Variants in ARHGAP21 observed in about 807,000 individuals in gnomAD.
The protein encoded by ARHGAP21 is rho GTPase-activating protein 21.
In ARHGAP21, 38 loss-of-function variants were observed where a neutral mutation model predicts 164.6. That is an observed-to-expected ratio of 0.23 (90% CI 0.18 to 0.30). The LOEUF is 0.30. Ranked by LOEUF, ARHGAP21 falls within the 10% of genes least tolerant of loss-of-function variation. The pLI is 1.00. For synonymous variants in ARHGAP21, 766 were observed against 857.9 expected (o/e 0.89, Z 1.87); for missense variants, 1,822 against 2,370.7 (o/e 0.77, Z 4.81).
chr10:24,628,973 TATATATA>T (rs1382858282), intron 7 of ARHGAP21: 14 of 20,208 alleles, frequency 6.9e-4, no homozygotes, highest in African/African-American at 1.1e-3. Flanking sequence ...TATATATATA[TATATATA>T]TATTTTTTTT....
chr10:24,630,948 C>T (rs1479694111), intron 6 of ARHGAP21, among the ~76,000 whole-genome samples: 6 of 152,114 alleles, frequency 3.9e-5, no homozygotes, highest in Non-Finnish European at 7.3e-5. Flanking sequence ...CTTTTAGTGC[C>T]TTTACAGGGA....
At chr10:24,618,266 G>A (rs567731258) in intron 9 of ARHGAP21, among the ~76,000 whole-genome samples, 4 of 152,280 alleles carry the variant, frequency 2.6e-5, no homozygotes, top group Non-Finnish European at 5.9e-5. Context: ...AATACTTACT[G>A]AGTGAATTCT....
At chr10:24,683,045 G>C (rs1165268563) in intron 2 of ARHGAP21, among the ~76,000 whole-genome samples, 1 of 146,496 alleles carries the variant, frequency 6.8e-6, no homozygotes, top group Non-Finnish European at 1.5e-5. Flanking sequence ...GCAGTGAGTG[G>C]AGATCACACC....
intron 2 of ARHGAP21, among the ~76,000 whole-genome samples, chr10:24,679,311 G>T (rs144926136): frequency 6.6e-6 from 1 of 152,192 alleles, no homozygotes; most frequent in African/African-American, 2.4e-5. Context: ...TAAATAGGCC[G>T]CACATTCTTG....
At chr10:24,716,299 A>C (rs1411823024) in intron 2 of ARHGAP21, among the ~76,000 whole-genome samples, 1 of 152,246 alleles carries the variant, frequency 6.6e-6, no homozygotes, top group Non-Finnish European at 1.5e-5. Flanking sequence ...GCAAGGAAGG[A>C]AGGCAGAGCA....
chr10:24,615,323 G>C (rs1006377893), intron 9 of ARHGAP21, among the ~76,000 whole-genome samples: 1 of 152,158 alleles, frequency 6.6e-6, no homozygotes, highest in African/African-American at 2.4e-5. Flanking sequence ...GTGCCGTTAA[G>C]GCTATGACCA....
chr10:24,666,197 T>C (rs887861782), intron 4 of ARHGAP21, among the ~76,000 whole-genome samples: 37 of 151,998 alleles, frequency 2.4e-4, no homozygotes, highest in African/African-American at 8.0e-4. Context: ...ACCCGGCTAA[T>C]ATTTTGTATT....
Position 24,596,811 on chromosome 10 carries a change from C to T in ARHGAP21, c.3406G>A (p.Glu1136Lys). Residue 1136 changes from glutamate (E) to lysine (K), a missense_variant, in exon 17 of 26, where the codon GAG becomes AAG. By Grantham distance (56) the Glu-to-Lys change is moderately conservative (BLOSUM62 1). This residue lies in a region of ARHGAP21 where 1,090 missense variants were observed against 1,378.9 expected (regional missense o/e 0.79). Transcript: ENST00000396432. ...GIPSIMRKTF[E>K]KKPTATGTFG... is the part of the protein sequence containing the mutation. ...GTTCCTGTAGCAGTTGGCTTTTTCT[C>T]AAATGTCTTTCTCATGATACTTGGA... 6.2e-7 allele frequency: 1 copy of T among 1,612,934 alleles called. No individual in the cohort carries two copies. The highest frequency in any genetic ancestry group is 8.5e-7 in the Non-Finnish European group (1 of 1,179,626).
intron 2 of ARHGAP21, among the ~76,000 whole-genome samples, chr10:24,672,536 C>T (rs1452111399): frequency 6.6e-6 from 1 of 152,122 alleles, no homozygotes; most frequent in African/African-American, 2.4e-5. Context: ...TATTTCTAAC[C>T]CAAGCCTCTC....
intron 2 of ARHGAP21, among the ~76,000 whole-genome samples, chr10:24,717,688 C>T (rs1433541530): frequency 1.3e-5 from 2 of 152,100 alleles, no homozygotes; most frequent in Non-Finnish European, 2.9e-5. Context: ...TTACCAAAGT[C>T]CTTTCAGACT....
intron 25 of ARHGAP21, among the ~76,000 whole-genome samples, chr10:24,588,450 T>C (rs1478960098): frequency 6.6e-6 from 1 of 152,130 alleles, no homozygotes. Flanking sequence ...TTTTTCAAGA[T>C]AAAAAGCTGG....
intron 2 of ARHGAP21, among the ~76,000 whole-genome samples, chr10:24,721,546 A>AGCATCC (rs1308019751): frequency 1.3e-5 from 2 of 152,214 alleles, no homozygotes; most frequent in African/African-American, 2.4e-5. Flanking sequence ...TCAGGCTTGT[A>AGCATCC]GCATCCACAG....
chr10:24,682,658 C>G (rs1841878880), intron 2 of ARHGAP21, among the ~76,000 whole-genome samples: 1 of 151,220 alleles, frequency 6.6e-6, no homozygotes, highest in South Asian at 2.1e-4. Context: ...TCACAAGCAG[C>G]TTGTTTACAG....
intron 8 of ARHGAP21, 152 bp downstream of exon 8, chr10:24,622,581 C>G: frequency 1.3e-6 from 1 of 752,974 alleles, no homozygotes; most frequent in Non-Finnish European, 2.0e-6. Context: ...GGCAAACCAT[C>G]TATCACAAAC....
At chr10:24,710,531 G>A (rs1844677382) in intron 2 of ARHGAP21, among the ~76,000 whole-genome samples, 1 of 152,094 alleles carries the variant, frequency 6.6e-6, no homozygotes, top group Non-Finnish European at 1.5e-5. Context: ...TCAATTGTCT[G>A]CGCTTCCCAT....
chr10:24,614,462 A>G (rs572167377), intron 9 of ARHGAP21, among the ~76,000 whole-genome samples: 2 of 152,366 alleles, frequency 1.3e-5, no homozygotes, highest in East Asian at 1.9e-4. Flanking sequence ...AAAAGGCTCC[A>G]AAGTCTACTT....
intron 25 of ARHGAP21, among the ~76,000 whole-genome samples, chr10:24,587,339 CCA>C (rs369384659): frequency 4.2e-4 from 64 of 152,060 alleles, no homozygotes; most frequent in African/African-American, 1.3e-3. Flanking sequence ...TGCTGGTTTA[CCA>C]CACACTTTTT....
chr10:24,607,972 A>C (rs2077101859), intron 9 of ARHGAP21, 69 bp from the exon 10 acceptor site: 1 of 1,431,474 alleles, frequency 7.0e-7, no homozygotes, highest in Non-Finnish European at 9.4e-7. Context: ...CTCAGTCAAT[A>C]ATCATTATTA....
intron 2 of ARHGAP21, among the ~76,000 whole-genome samples, chr10:24,672,420 C>T (rs546081524): frequency 3.0e-4 from 45 of 152,070 alleles, no homozygotes; most frequent in Non-Finnish European, 5.1e-4. Context: ...CTGGAGGTAC[C>T]CAGGGCTCAG....
Sources: allele counts gnomAD v4.1 joint callset (sites outside exome capture counted in the v4.1 genomes callset), GRCh38; gene constraint gnomAD v4.1.1; regional missense constraint gnomAD v4.1.1; transcripts MANE v1.5; gene names NCBI Gene and HGNC (gene_info 2026-07-23, HGNC 2026-07-21).